Variants in TCOF1 observed in about 807,000 individuals in gnomAD.
The protein encoded by TCOF1 is treacle protein.
TCOF1 carries 33 observed loss-of-function variants against 149.0 expected under a neutral mutation model. That is an observed-to-expected ratio of 0.22 (90% CI 0.17 to 0.30). TCOF1 has a LOEUF of 0.30. Among genes scored for constraint, TCOF1 ranks in the 10% least tolerant of loss-of-function variants. The probability of loss-of-function intolerance (pLI) is 1.00; values close to 1 mark genes in which losing one functional copy is unlikely to be tolerated. For missense variants in TCOF1, 1,728 were observed against 1,840.7 expected, an observed-to-expected ratio of 0.94 and a Z score of 1.12; for synonymous variants, 789 against 738.8, an observed-to-expected ratio of 1.07 and a Z score of -1.10.
At chr5:150,368,489 T>A in intron 4 of TCOF1, 1 of 575,918 alleles carries the variant, frequency 1.7e-6, no homozygotes. Context: ...TACCACTTAG[T>A]AAATAACTAC....
At chr5:150,398,857 C>G (rs1769160907) in intron 25 of TCOF1, among the ~76,000 whole-genome samples, 165 bp from the exon 26 acceptor site, 1 of 152,222 alleles carries the variant, frequency 6.6e-6, no homozygotes, top group African/African-American at 2.4e-5. Context: ...AGCAGGGCCT[C>G]AGCTGTATTT....
At chr5:150,391,430 C>A in intron 19 of TCOF1, 114 bp from the exon 20 acceptor site, 1 of 910,530 alleles carries the variant, frequency 1.1e-6, no homozygotes, top group South Asian at 1.3e-5. Flanking sequence ...CCTTTGACTG[C>A]CCCTCAGTCC....
chr5:150,394,353 C>G (rs1277667554), intron 23 of TCOF1: 5 of 152,806 alleles, frequency 3.3e-5, no homozygotes, highest in African/African-American at 9.6e-5. Flanking sequence ...CATTGTAAAG[C>G]CTTGGAAATC....
chr5:150,367,711 CT>C, intron 3 of TCOF1, 132 bp from the exon 4 acceptor site: 2 of 1,011,130 alleles, frequency 2.0e-6, no homozygotes, highest in Non-Finnish European at 3.0e-6. Context: ...CAAGTCTGGG[CT>C]CAGCCTCAGA....
chr5:150,368,679 C>T (rs759659065), intron 4 of TCOF1, 37 bp from the exon 5 acceptor site: 3 of 1,612,692 alleles, frequency 1.9e-6, no homozygotes, highest in East Asian at 4.5e-5. Flanking sequence ...GTTCACCATG[C>T]CATACCAGAT....
chr5:150,391,872 C>T, intron 20 of TCOF1, 85 bp from the exon 21 acceptor site: 1 of 1,375,086 alleles, frequency 7.3e-7, no homozygotes, highest in Non-Finnish European at 1.0e-6. Flanking sequence ...TAACACAGTT[C>T]CTGGCCCTAC....
intron 2 of TCOF1, 91 bp downstream of exon 2, chr5:150,361,302 C>T: frequency 1.4e-6 from 2 of 1,477,188 alleles, no homozygotes; most frequent in African/African-American, 2.8e-5. Context: ...GGTCTAAGAT[C>T]TGTCCCCATA....
At chr5:150,363,781 T>C (rs1009913793) in intron 2 of TCOF1, among the ~76,000 whole-genome samples, 1 of 152,120 alleles carries the variant, frequency 6.6e-6, no homozygotes, top group Non-Finnish European at 1.5e-5. Flanking sequence ...ACACACAGCA[T>C]GTTCTGCAGG....
chr5:150,379,104 C>T, intron 15 of TCOF1, 62 bp downstream of exon 15: 1 of 1,613,814 alleles, frequency 6.2e-7, no homozygotes. Flanking sequence ...GGACCAGTCA[C>T]TGAGCCCAGC....
Position 150,365,149 on chromosome 5 carries a change from G to A in TCOF1, c.304+897G>A, listed in dbSNP as rs182000874. On this transcript the variant is annotated intron_variant, in intron 3 of 26. Coordinates refer to ENST00000643257, the MANE Select transcript of TCOF1 (RefSeq NM_001371623.1). ...GTGATGTCAGCTCAGGGCAACCCCC[G>A]CCTCCTGGGTTCAAGTGATTCTCCT... 703 of 151,972 alleles carry A rather than the reference G, an allele frequency of 4.6e-3. 7 individuals carry two copies. The highest frequency in any genetic ancestry group is 6.0e-3 in the Non-Finnish European group (410 of 68,026). The allele number at this position is 151,972 out of a possible 1,614,324, so 9.4% of individuals were successfully genotyped here.
At position 150,368,725 on chromosome 5, in the gene TCOF1, G is replaced by C; in HGVS notation, c.388G>C (p.Glu130Gln). 6.2e-7 allele frequency: 1 copy of C among 1,614,054 alleles called. No homozygotes were observed. The highest frequency in any genetic ancestry group is 8.5e-7 in the Non-Finnish European group (1 of 1,180,018). Reference sequence around the variant, plus strand: ...CTCTTGTTCTCTGTAGGCAGAGACAGAGAAAGCTGGCAAGACTGGGAATTC... The same window carrying C: ...CTCTTGTTCTCTGTAGGCAGAGACACAGAAAGCTGGCAAGACTGGGAATTC... ...SMKEKAKAET[E>Q]KAGKTGNSMP... Residue 130 changes from glutamate (E) to glutamine (Q), a missense_variant, in exon 5 of 27, where the codon GAG becomes CAG. Around this residue, in one of 2 missense-constraint regions of TCOF1, gnomAD observed 1,696 missense variants for 1,765.4 expected, o/e 0.96. Coordinates refer to ENST00000643257, the MANE Select transcript of TCOF1 (RefSeq NM_001371623.1).
intron 6 of TCOF1, 64 bp from the exon 7 acceptor site, chr5:150,371,942 A>G: frequency 1.4e-6 from 2 of 1,475,182 alleles, no homozygotes; most frequent in Non-Finnish European, 1.9e-6. Flanking sequence ...GAAGCCCCTA[A>G]TACAGAACCT....
chr5:150,383,864 A>AG, intron 17 of TCOF1: 1 of 1,549,120 alleles, frequency 6.5e-7, no homozygotes, highest in Admixed American at 2.0e-5. Flanking sequence ...TACACCTCCA[A>AG]GGGTGGGACC....
Position 150,374,762 on chromosome 5 carries a change from CG to C in TCOF1, c.1230del (p.Gln411ArgfsTer82), listed in dbSNP as rs1554135846. The stretch of plus-strand genomic sequence containing the variant: ...CAGGCGGGGAAGCGGGAGGAGGACT[CG>C]CAGAGCAGCAGCGAGGAATCGGACA... ...KAQAGKREED[S>X]QSSSEESDSE... On this transcript the variant is annotated frameshift_variant, in exon 9 of 27. Transcript: ENST00000643257. LOFTEE classifies it high-confidence loss of function. 1 of 1,612,520 alleles carries C rather than the reference CG, an allele frequency of 6.2e-7. No individual in the cohort carries two copies. The highest frequency in any genetic ancestry group is 1.3e-5 in the African/African-American group (1 of 74,564).
Position 150,393,473 on chromosome 5 carries a change from T to G in TCOF1, c.3705T>G (p.Thr1235=). 11 of 1,614,120 alleles carry G rather than the reference T, an allele frequency of 6.8e-6. No individual in the cohort carries two copies. Among genetic ancestry groups the G allele is most frequent in the Non-Finnish European group, 9.3e-6 (11 of 1,180,026 alleles). The stretch of plus-strand genomic sequence containing the variant: ...ACTCCAGCCCCTCAGTTTCCTCTAC[T>G]CTGGCCGCCAAAGATGACCCAGATG... ...KLDSSPSVSS[T]LAAKDDPDGK... is the part of the protein sequence containing the mutation. Residue 1235 remains threonine (T), a synonymous_variant, in exon 23 of 27, where the codon ACT becomes ACG. Coordinates refer to ENST00000643257, the MANE Select transcript of TCOF1 (RefSeq NM_001371623.1).
At chr5:150,399,770 G>A (rs774418321) in intron 26 of TCOF1, 40 bp from the exon 27 acceptor site, 96 of 154,034 alleles carry the variant, frequency 6.2e-4, no homozygotes, top group Non-Finnish European at 1.1e-3. Flanking sequence ...GGGGAAAAGG[G>A]TCAGGAAATT....
chr5:150,389,735 C>A, intron 18 of TCOF1, 152 bp from the exon 19 acceptor site: 1 of 1,406,372 alleles, frequency 7.1e-7, no homozygotes, highest in Non-Finnish European at 9.8e-7. Flanking sequence ...GCCTGGGAGG[C>A]TTGGAGAGGG....
chr5:150,375,187 T>G, intron 10 of TCOF1, 24 bp downstream of exon 10: 7 of 1,612,858 alleles, frequency 4.3e-6, no homozygotes, highest in Non-Finnish European at 5.9e-6. Flanking sequence ...CCGCCCTGCA[T>G]GGCCTGTGCC....
rs572616329 is a variant in TCOF1 at position 150,360,552 on chromosome 5, G to A, written c.109-604G>A. ...CCCTGTCTCATGGCCTCTAGGCATG[G>A]ATAGTGCCAGAGAGGCTGGGAGCTG... On this transcript the variant is annotated intron_variant, in intron 1 of 26. Coordinates refer to ENST00000643257, the MANE Select transcript of TCOF1 (RefSeq NM_001371623.1). Among the ~76,000 whole-genome samples the A allele has an allele frequency of 9.3e-4, 141 of 152,296 alleles. 1 individual carries two copies. The Middle Eastern group carries it at 0.048, about 51-fold the overall frequency.
Sources: gnomAD v4.1 joint callset for allele counts (sites outside exome capture counted in the v4.1 genomes callset) on GRCh38, gnomAD v4.1.1 for gene constraint, gnomAD v4.1.1 regional missense constraint, MANE v1.5 for transcripts, NCBI Gene and HGNC (gene_info 2026-07-23, HGNC 2026-07-21) for gene names.